DRAM1: variants seen among roughly 807,000 people sequenced by gnomAD.
DRAM1 encodes DNA damage regulated autophagy modulator 1.
In DRAM1, 25 loss-of-function variants were observed where a neutral mutation model predicts 28.5. The observed-to-expected ratio is 0.88, with a 90% CI of 0.64 to 1.23. The LOEUF (loss-of-function observed/expected upper bound fraction) is 1.23, where lower values mean the gene tolerates loss of function less well. DRAM1 is among the 50% of genes most tolerant of loss of function. DRAM1 has a pLI of 0.00. For synonymous variants in DRAM1, 113 were observed against 114.2 expected (o/e 0.99, Z 0.07); for missense variants, 249 against 299.2 (o/e 0.83, Z 1.24).
intron 1 of DRAM1, among the ~76,000 whole-genome samples, chr12:101,883,283 T>C (rs1443149378): frequency 6.7e-6 from 1 of 148,738 alleles, no homozygotes; most frequent in Admixed American, 6.7e-5. Context: ...TTATAAGGCA[T>C]ACTTTTTTGT....
chr12:101,885,252 T>C (rs1872844915), intron 1 of DRAM1, among the ~76,000 whole-genome samples: 1 of 152,226 alleles, frequency 6.6e-6, no homozygotes, highest in Admixed American at 6.5e-5. Context: ...GATTATATTA[T>C]AGTAAGTCTT....
Position 101,923,312 on chromosome 12 carries a change from G to C in DRAM1, c.*2052G>C, listed in dbSNP as rs948180961. On this transcript the variant is annotated 3_prime_UTR_variant, in exon 7 of 7. Transcript: ENST00000258534. ...AATCCATACTTCTGCCTCACTTCGA[G>C]CAGACTTTTGTTCTCGGCGCTCCTC... is the stretch of plus-strand genomic sequence containing the variant. 21 of 152,170 alleles carry C rather than the reference G, an allele frequency of 1.4e-4. No homozygotes were observed. The highest frequency in any genetic ancestry group is 4.8e-4 in the African/African-American group (20 of 41,442). The allele number at this position is 152,170 out of a possible 1,614,324, so 9.4% of individuals were successfully genotyped here. A position where few individuals can be genotyped will look rare whatever the true frequency, so the allele number is the denominator to read the frequency against.
chr12:101,901,119 G>C (rs1594302238), intron 2 of DRAM1, among the ~76,000 whole-genome samples, 172 bp from the exon 3 acceptor site: 1 of 124,200 alleles, frequency 8.1e-6, no homozygotes, highest in Non-Finnish European at 1.8e-5. Context: ...GTGTGTGTGT[G>C]TGTGTCTGTA....
chr12:101,900,963 T>A (rs1213467498), intron 2 of DRAM1, among the ~76,000 whole-genome samples: 1 of 152,154 alleles, frequency 6.6e-6, no homozygotes, highest in African/African-American at 2.4e-5. Flanking sequence ...ATGAAGTAGA[T>A]CTGTTTGTAC....
rs1306906490 is a variant in DRAM1 at position 101,901,301 on chromosome 12, G to A, written c.210G>A (p.Thr70=). ...TCTCTTCTTTTTCAGGTGCAGCCACGATGTATACAAGATACAAAATAGTAC... is the reference window on the plus strand; with the variant it reads ...TCTCTTCTTTTTCAGGTGCAGCCACAATGTATACAAGATACAAAATAGTAC... ...INFSAFLGAA[T]MYTRYKIVQK... The change falls in exon 3 of 7, where the codon ACG becomes ACA. Residue 70 remains threonine (T), a synonymous_variant. Transcript: ENST00000258534. The A allele has an allele frequency of 1.3e-5, 21 of 1,612,118 alleles. No homozygotes were observed. Among genetic ancestry groups the A allele is most frequent in the Non-Finnish European group, 1.6e-5 (19 of 1,179,478 alleles).
rs143336395 is a variant in DRAM1 at position 101,917,819 on chromosome 12, C to T, written c.580-2290C>T. Among the ~76,000 whole-genome samples the T allele has an allele frequency of 3.1e-3, 473 of 152,058 alleles. 3 individuals carry two copies. Among genetic ancestry groups the T allele is most frequent in the African/African-American group, 0.011 (451 of 41,414 alleles). ...TATATGGGGAATTAGCCCCATCATG[C>T]GAAGGGGGTTCAGTTCCTCTTTCCG... On this transcript the variant is annotated intron_variant, in intron 5 of 6. Transcript: ENST00000258534.
chr12:101,916,889 A>G (rs2121167522), intron 5 of DRAM1, among the ~76,000 whole-genome samples: 1 of 152,348 alleles, frequency 6.6e-6, no homozygotes, highest in Admixed American at 6.5e-5. Context: ...CAATGGCTAA[A>G]TGTAATACTT....
At chr12:101,882,402 G>T (rs1021673098) in intron 1 of DRAM1, among the ~76,000 whole-genome samples, 1 of 151,154 alleles carries the variant, frequency 6.6e-6, no homozygotes, top group South Asian at 2.2e-4. Flanking sequence ...GAGCCACCGC[G>T]CCCGGCCCCT....
chr12:101,913,824 C>T (rs1397136003), intron 4 of DRAM1, among the ~76,000 whole-genome samples: 2 of 151,798 alleles, frequency 1.3e-5, no homozygotes, highest in East Asian at 3.9e-4. Context: ...TCATTTTGAC[C>T]GAATTTAAAC....
Position 101,908,308 on chromosome 12 carries a change from G to A in DRAM1, c.465G>A (p.Ser155=), listed in dbSNP as rs1050818398. The change falls in exon 4 of 7, where the codon TCG becomes TCA. Residue 155 remains serine, a synonymous_variant. Coordinates refer to ENST00000258534, the MANE Select transcript of DRAM1 (RefSeq NM_018370.3). ...YKSCPQWNSL[S]TCHIRMVISA... ...CATGTCCCCAGTGGAACAGTCTCTC[G>A]ACATGCCACATACGGATGGTCATCT... The A allele has an allele frequency of 3.1e-6, 5 of 1,613,974 alleles. No homozygotes were observed. Among genetic ancestry groups the A allele is most frequent in the African/African-American group, 1.3e-5 (1 of 74,898 alleles).
intron 1 of DRAM1, among the ~76,000 whole-genome samples, chr12:101,892,818 G>T (rs576472949): frequency 6.6e-6 from 1 of 152,082 alleles, no homozygotes; most frequent in South Asian, 2.1e-4. Flanking sequence ...TGATAGATTT[G>T]GGAATTTGTG....
intron 1 of DRAM1, among the ~76,000 whole-genome samples, chr12:101,888,224 G>A (rs1439135652): frequency 6.6e-6 from 1 of 151,886 alleles, no homozygotes; most frequent in Non-Finnish European, 1.5e-5. Context: ...CCTCCTCCTG[G>A]GTTCAAGTGA....
intron 1 of DRAM1, among the ~76,000 whole-genome samples, chr12:101,895,195 T>TTTTTTGTTTTTTTTTTTTTTTG (rs1566123833): frequency 1.6e-5 from 2 of 127,146 alleles, no homozygotes; most frequent in Non-Finnish European, 3.2e-5. Context: ...GGTTTTTTTT[T>TTTTTTGTTTTTTTTTTTTTTTG]TTTTTTTTTT....
At chr12:101,900,195 T>TA (rs1873545190) in intron 2 of DRAM1, among the ~76,000 whole-genome samples, 2 of 152,218 alleles carry the variant, frequency 1.3e-5, no homozygotes, top group African/African-American at 4.8e-5. Context: ...TGGAAAAACA[T>TA]ACCTTTACTA....
intron 1 of DRAM1, among the ~76,000 whole-genome samples, chr12:101,890,895 C>T (rs61935812): frequency 3.9e-5 from 6 of 152,044 alleles, no homozygotes; most frequent in South Asian, 2.1e-4. Flanking sequence ...GGACTACAGG[C>T]GCCCGCCACC....
chr12:101,912,656 T>A lies in DRAM1; in HGVS notation c.521-1518T>A, dbSNP rs192358296. On this transcript the variant is annotated intron_variant, in intron 4 of 6. Coordinates refer to ENST00000258534, the MANE Select transcript of DRAM1 (RefSeq NM_018370.3). ...CAGAAGCATTAAACTCTGCACAATT[T>A]GCGGGGGGTTGGAGTTAAGAGAGAT... 4.5e-3 allele frequency among the ~76,000 whole-genome samples: 691 copies of A among 152,264 alleles called. 7 individuals are homozygous for A. Among genetic ancestry groups the A allele is most frequent in the African/African-American group, 0.016 (647 of 41,546 alleles).
chr12:101,886,224 G>A (rs550406628), intron 1 of DRAM1, among the ~76,000 whole-genome samples: 15 of 152,312 alleles, frequency 9.8e-5, no homozygotes, highest in African/African-American at 3.6e-4. Context: ...ATAATACTGA[G>A]AGGGAACATA....
At chr12:101,883,504 C>T (rs1872764358) in intron 1 of DRAM1, among the ~76,000 whole-genome samples, 1 of 151,204 alleles carries the variant, frequency 6.6e-6, no homozygotes, top group African/African-American at 2.4e-5. Flanking sequence ...TTAGTAGAGA[C>T]GGGGTTTCAC....
At chr12:101,879,089 G>A (rs1377660543) in intron 1 of DRAM1, among the ~76,000 whole-genome samples, 3 of 152,024 alleles carry the variant, frequency 2.0e-5, no homozygotes, top group African/African-American at 4.8e-5. Flanking sequence ...CTGCCTCCCG[G>A]GTTCAAGCGA....
Sources: allele counts gnomAD v4.1 joint callset (sites outside exome capture counted in the v4.1 genomes callset), GRCh38; gene constraint gnomAD v4.1.1; transcripts MANE v1.5; gene names NCBI Gene and HGNC (gene_info 2026-07-23, HGNC 2026-07-21).